Variants in ST13 observed in about 807,000 individuals in gnomAD.
ST13 encodes the protein ST13 Hsp70 interacting protein.
In ST13, 23 loss-of-function variants were observed where a neutral mutation model predicts 56.7. That is an observed-to-expected ratio of 0.41 (90% CI 0.29 to 0.57). ST13 has a LOEUF of 0.57. ST13 is among the 20% of genes least tolerant of loss of function. The probability of loss-of-function intolerance (pLI) is 0.36; values close to 1 mark genes in which losing one functional copy is unlikely to be tolerated. For missense variants in ST13, 369 were observed against 459.9 expected (o/e 0.80, Z 1.81); for synonymous variants, 132 against 142.4 (o/e 0.93, Z 0.52).
chr22:40,826,924 A>T (rs2057731273), intron 11 of ST13, among the ~76,000 whole-genome samples, 172 bp downstream of exon 11: 1 of 152,250 alleles, frequency 6.6e-6, no homozygotes, highest in Non-Finnish European at 1.5e-5. Flanking sequence ...AGTTTTAAAA[A>T]TTTAAGTTAC....
At chr22:40,836,984 T>TA (rs1269029331) in intron 5 of ST13, among the ~76,000 whole-genome samples, 2 of 152,100 alleles carry the variant, frequency 1.3e-5, no homozygotes, top group Non-Finnish European at 2.9e-5. Flanking sequence ...CCTGGCTAAT[T>TA]AAAAAAAATT....
Position 40,856,628 on chromosome 22 carries a change from G to C in ST13, c.-88C>G. 1 of 1,058,686 alleles carries C rather than the reference G, an allele frequency of 9.4e-7. No homozygotes were observed. Among genetic ancestry groups the C allele is most frequent in the Non-Finnish European group, 1.4e-6 (1 of 690,496 alleles). 65.6% of individuals were successfully genotyped at this position (1,058,686 alleles called of 1,614,324 possible). A position where few individuals can be genotyped will look rare whatever the true frequency, so the allele number is the denominator to read the frequency against. On this transcript the variant is annotated 5_prime_UTR_variant, in exon 1 of 12. Transcript: ENST00000216218. Reference sequence around the variant, plus strand: ...TCGGCGTGACCGCGCAGAAGGGGGCGGCTGCCGCAAGACAGAACAGACTAG... The same window carrying C: ...TCGGCGTGACCGCGCAGAAGGGGGCCGCTGCCGCAAGACAGAACAGACTAG...
Position 40,826,589 on chromosome 22 carries a change from C to A in ST13, c.1059G>T (p.Lys353Asn), listed in dbSNP as rs537338025. Residue 353 changes from lysine to asparagine, a missense_variant, in exon 12 of 12, where the codon AAG becomes AAT. Coordinates refer to ENST00000216218, the MANE Select transcript of ST13 (RefSeq NM_003932.5). ...ACAATTTACTGATGAGATTCATAACCTTTGGGTTGCTCTGGTATTTTGACA... is the reference window on the plus strand; with the variant it reads ...ACAATTTACTGATGAGATTCATAACATTTGGGTTGCTCTGGTATTTTGACA... ...ANMSKYQSNP[K>N]VMNLISKLSA... The A allele has an allele frequency of 5.6e-6, 9 of 1,602,862 alleles. No individual in the cohort carries two copies. The Admixed American group carries it at 1.5e-4, about 27-fold the overall frequency.
At position 40,825,203 on chromosome 22, in the gene ST13, G is replaced by T. The variant is rs576515768; in HGVS notation, c.*1335C>A. 1 of 152,016 alleles carries T rather than the reference G, an allele frequency of 6.6e-6. No individual in the cohort carries two copies. Among genetic ancestry groups the T allele is most frequent in the African/African-American group, 2.4e-5 (1 of 41,390 alleles). The allele number at this position is 152,016 out of a possible 1,614,324, so 9.4% of individuals were successfully genotyped here. On this transcript the variant is annotated 3_prime_UTR_variant, in exon 12 of 12. Transcript: ENST00000216218. Reference sequence around the variant, plus strand: ...GAAAGCAAGCAGAGGTGGGGATATAGTTACACTATTTAAGAGCTGAATACA... The same window carrying T: ...GAAAGCAAGCAGAGGTGGGGATATATTTACACTATTTAAGAGCTGAATACA...
chr22:40,850,780 A>G, intron 2 of ST13, 43 bp downstream of exon 2: 1 of 1,453,036 alleles, frequency 6.9e-7, no homozygotes, highest in South Asian at 1.2e-5. Flanking sequence ...AAGAAATCTT[A>G]TAGTACTTTA....
intron 5 of ST13, 59 bp downstream of exon 5, chr22:40,840,563 CTATT>C: frequency 7.1e-7 from 1 of 1,418,122 alleles, no homozygotes; most frequent in Non-Finnish European, 9.9e-7. Context: ...TACTTTACCA[CTATT>C]TAAGTTACTG....
intron 9 of ST13, 97 bp downstream of exon 9, chr22:40,830,743 A>G (rs2057750063): frequency 1.4e-6 from 1 of 695,386 alleles, no homozygotes. Context: ...TGTAGCCAGC[A>G]TTAAATAAAA....
chr22:40,848,430 A>T, intron 2 of ST13, 61 bp from the exon 3 acceptor site: 2 of 1,132,306 alleles, frequency 1.8e-6, no homozygotes, highest in Non-Finnish European at 2.6e-6. Flanking sequence ...TATTTATACT[A>T]ATTTCTACAA....
intron 5 of ST13, 30 bp downstream of exon 5, chr22:40,840,596 C>T: frequency 6.3e-7 from 1 of 1,592,368 alleles, no homozygotes. Flanking sequence ...ATTCTGACTA[C>T]CATAGAAATG....
Position 40,827,163 on chromosome 22 carries a change from G to A in ST13, c.914C>T (p.Pro305Leu). 6.2e-7 allele frequency: 1 copy of A among 1,612,686 alleles called. No individual in the cohort carries two copies. Among genetic ancestry groups the A allele is most frequent in the South Asian group, 1.1e-5 (1 of 91,028 alleles). The change falls in exon 11 of 12, where the codon CCT becomes CTT. Residue 305 changes from proline to leucine, a missense_variant. Coordinates refer to ENST00000216218, the MANE Select transcript of ST13 (RefSeq NM_003932.5). ...GGMPGMGGGM[P>L]GMAGMPGLNE... ...GAGTCCAGGCATTCCAGCCATTCCA[G>A]GCATGCCCCCTCCCATTCCAGGCAT...
intron 8 of ST13, among the ~76,000 whole-genome samples, chr22:40,831,224 G>C (rs571626314): frequency 2.0e-4 from 30 of 152,298 alleles, no homozygotes; most frequent in African/African-American, 7.0e-4. Flanking sequence ...TAACAAACAG[G>C]TTTCTAAGTG....
At chr22:40,852,501 A>G (rs6002181) in intron 1 of ST13, among the ~76,000 whole-genome samples, 18,812 of 152,166 alleles carry the variant, frequency 0.12, 2,113 homozygotes, top group African/African-American at 0.3. Context: ...ATCATCTGAG[A>G]ATCCCAATAT....
intron 7 of ST13, 103 bp downstream of exon 7, chr22:40,835,457 A>ATT: frequency 1.0e-6 from 1 of 989,846 alleles, no homozygotes; most frequent in Admixed American, 2.0e-5. Context: ...TAATTTGAAA[A>ATT]TTAAGTCATT....
At chr22:40,848,410 A>C (rs2057844111) in intron 2 of ST13, 41 bp from the exon 3 acceptor site, 1 of 1,269,860 alleles carries the variant, frequency 7.9e-7, no homozygotes, top group Non-Finnish European at 1.1e-6. Flanking sequence ...GTATTTAATA[A>C]CATACCGAAT....
At chr22:40,833,780 AGAACC>A (rs982972024) in intron 7 of ST13, among the ~76,000 whole-genome samples, 14 of 151,718 alleles carry the variant, frequency 9.2e-5, no homozygotes, top group African/African-American at 3.4e-4. Context: ...CTGAGGCAGG[AGAACC>A]GCTTGAGCCC....
intron 4 of ST13, among the ~76,000 whole-genome samples, chr22:40,842,238 C>T (rs2057808186): frequency 6.6e-6 from 1 of 152,118 alleles, no homozygotes; most frequent in African/African-American, 2.4e-5. Flanking sequence ...CACCTTCTTA[C>T]CTAGGCCTCA....
At chr22:40,847,844 C>G (rs1046383956) in intron 3 of ST13, among the ~76,000 whole-genome samples, 1 of 151,956 alleles carries the variant, frequency 6.6e-6, no homozygotes, top group Non-Finnish European at 1.5e-5. Flanking sequence ...GTCAGGAGTT[C>G]GAGGCCAGCC....
intron 3 of ST13, among the ~76,000 whole-genome samples, chr22:40,845,862 C>A (rs1321545945): frequency 6.6e-6 from 1 of 151,940 alleles, no homozygotes; most frequent in African/African-American, 2.4e-5. Flanking sequence ...CCAGCAACAA[C>A]AAAACTTGAC....
intron 7 of ST13, among the ~76,000 whole-genome samples, chr22:40,834,889 T>G (rs76096316): frequency 0.045 from 6,900 of 152,306 alleles, 486 homozygotes; most frequent in African/African-American, 0.15. Context: ...CTACTCTGAG[T>G]CAGCTAATAC....
Sources: allele counts gnomAD v4.1 joint callset (sites outside exome capture counted in the v4.1 genomes callset), GRCh38; gene constraint gnomAD v4.1.1; transcripts MANE v1.5; gene names NCBI Gene and HGNC (gene_info 2026-07-23, HGNC 2026-07-21).